The following SPAG16 variants were observed in gnomAD, a reference collection of about 807,000 sequenced individuals.
The protein encoded by SPAG16 is sperm-associated antigen 16 protein.
In SPAG16, 86 loss-of-function variants were observed where a neutral mutation model predicts 80.4. The ratio of observed to expected loss-of-function variants is 1.07; its 90% CI spans 0.90 to 1.28. SPAG16 has a LOEUF of 1.28. Among genes scored for constraint, SPAG16 ranks in the 50% most tolerant of loss-of-function variants. SPAG16 has a pLI of 0.00. For synonymous variants in SPAG16, 294 were observed against 265.9 expected (o/e 1.11, Z -1.03); for missense variants, 870 against 765.3 (o/e 1.14, Z -1.61).
intron 10 of SPAG16, among the ~76,000 whole-genome samples, chr2:213,593,932 G>A (rs2060799101): frequency 1.3e-5 from 2 of 150,740 alleles, no homozygotes; most frequent in African/African-American, 4.9e-5. Flanking sequence ...CCACCACCAC[G>A]CCCGGCTAAT....
intron 10 of SPAG16, among the ~76,000 whole-genome samples, chr2:213,569,976 G>A (rs1296922161): frequency 4.3e-5 from 4 of 92,642 alleles, no homozygotes; most frequent in African/African-American, 2.3e-4. Flanking sequence ...GAGTGTATGT[G>A]TCGAGGAATG....
At chr2:213,804,551 C>T (rs545535814) in intron 10 of SPAG16, among the ~76,000 whole-genome samples, 12 of 152,252 alleles carry the variant, frequency 7.9e-5, no homozygotes, top group African/African-American at 2.6e-4. Context: ...GGCGTGGTGG[C>T]AGGCGCCTGT....
chr2:214,175,710 T>C (rs2057057623), intron 15 of SPAG16, among the ~76,000 whole-genome samples: 1 of 151,562 alleles, frequency 6.6e-6, no homozygotes, highest in African/African-American at 2.4e-5. Context: ...CTACTTTTAG[T>C]TTAATACATT....
intron 10 of SPAG16, among the ~76,000 whole-genome samples, chr2:213,761,354 A>G (rs890225928): frequency 4.6e-5 from 7 of 152,178 alleles, no homozygotes; most frequent in Non-Finnish European, 7.3e-5. Flanking sequence ...TGGAACTAGA[A>G]AAATAACAAA....
intron 11 of SPAG16, among the ~76,000 whole-genome samples, chr2:213,897,901 G>T (rs757448663): frequency 3.3e-5 from 5 of 152,066 alleles, no homozygotes; most frequent in Non-Finnish European, 7.4e-5. Flanking sequence ...CTATAAAAAG[G>T]ATTTCCTATC....
In SPAG16 at chr2:213,918,513, G is replaced by A. The variant is rs145040046; in HGVS notation, c.1215-11447G>A. On this transcript the variant is annotated intron_variant, in intron 11 of 15. Coordinates refer to ENST00000331683, the MANE Select transcript of SPAG16 (RefSeq NM_024532.5). ...GTGTTGTGGGAGGGACCTGGTGGGA[G>A]GTAATTGAATTAAGGCAGGACTTGC... 5.7e-3 allele frequency among the ~76,000 whole-genome samples: 871 copies of A among 152,230 alleles called. 9 individuals are homozygous for A. Among genetic ancestry groups the A allele is most frequent in the African/African-American group, 0.02 (832 of 41,528 alleles).
chr2:214,268,777 AT>A (rs780802113), intron 15 of SPAG16, among the ~76,000 whole-genome samples: 32 of 151,578 alleles, frequency 2.1e-4, no homozygotes, highest in Non-Finnish European at 2.7e-4. Context: ...GTATGTATGT[AT>A]TTATTTGTGT....
intron 15 of SPAG16, among the ~76,000 whole-genome samples, chr2:214,353,274 T>A (rs1385148836): frequency 6.6e-6 from 1 of 151,784 alleles, no homozygotes; most frequent in Non-Finnish European, 1.5e-5. Context: ...TACTACTAAA[T>A]ATATATAAAA....
At chr2:213,392,241 A>G (rs1252682926) in intron 9 of SPAG16, among the ~76,000 whole-genome samples, 1 of 152,168 alleles carries the variant, frequency 6.6e-6, no homozygotes, top group East Asian at 1.9e-4. Flanking sequence ...TTAAGTGCTG[A>G]TACTTTGCAT....
chr2:213,774,538 A>G (rs978536739), intron 10 of SPAG16, among the ~76,000 whole-genome samples: 4 of 152,166 alleles, frequency 2.6e-5, no homozygotes, highest in Admixed American at 6.5e-5. Context: ...TTTATATGCA[A>G]TGGTGTTATT....
intron 10 of SPAG16, among the ~76,000 whole-genome samples, chr2:213,769,335 A>C (rs1259570058): frequency 6.6e-6 from 1 of 152,196 alleles, no homozygotes; most frequent in Non-Finnish European, 1.5e-5. Context: ...TGAAGGTAGT[A>C]CATCCTTAGT....
intron 13 of SPAG16, among the ~76,000 whole-genome samples, chr2:214,043,601 A>T (rs965491942): frequency 2.0e-5 from 3 of 152,180 alleles, no homozygotes; most frequent in African/African-American, 7.2e-5. Flanking sequence ...GAAAAAACTC[A>T]GTCATATATT....
intron 10 of SPAG16, among the ~76,000 whole-genome samples, chr2:213,632,076 T>C (rs570859715): frequency 6.6e-6 from 1 of 152,274 alleles, no homozygotes; most frequent in South Asian, 2.1e-4. Context: ...TTTACTAGAA[T>C]TGACATTTTA....
Position 214,208,987 on chromosome 2 carries a change from C to T in SPAG16, c.1720+59721C>T, listed in dbSNP as rs532955732. Among the ~76,000 whole-genome samples, 3 of 152,164 alleles carry T rather than the reference C, an allele frequency of 2.0e-5. No individual in the cohort carries two copies. The East Asian group carries it at 5.8e-4, about 29-fold the overall frequency. ...GGGATGAAGTTTTCTATTTCTTGAA[C>T]CCAATTGCTCTGTTTTTTGTTATTA... is the stretch of plus-strand genomic sequence containing the variant. On this transcript the variant is annotated intron_variant, in intron 15 of 15. Transcript: ENST00000331683.
chr2:213,670,311 C>A (rs1422144552), intron 10 of SPAG16, among the ~76,000 whole-genome samples: 3 of 152,056 alleles, frequency 2.0e-5, no homozygotes, highest in Non-Finnish European at 4.4e-5. Context: ...TGTTCTAATT[C>A]TTAAAATTGA....
intron 5 of SPAG16, 88 bp downstream of exon 5, chr2:213,317,444 A>G: frequency 1.4e-6 from 2 of 1,392,680 alleles, no homozygotes; most frequent in Middle Eastern, 5.2e-4. Flanking sequence ...AATATACCAG[A>G]GCCTTAATTT....
intron 15 of SPAG16, among the ~76,000 whole-genome samples, chr2:214,167,517 G>A (rs2056704137): frequency 6.6e-6 from 1 of 152,028 alleles, no homozygotes. Flanking sequence ...TTTCCTGGGG[G>A]TGGTTCCAAA....
At chr2:213,997,197 A>G (rs149375408) in intron 12 of SPAG16, among the ~76,000 whole-genome samples, 40 of 152,138 alleles carry the variant, frequency 2.6e-4, no homozygotes, top group Non-Finnish European at 5.1e-4. Flanking sequence ...CTCATCTTTC[A>G]CCTTTGCTTA....
At chr2:214,166,530 C>T (rs547014458) in intron 15 of SPAG16, among the ~76,000 whole-genome samples, 114 of 152,314 alleles carry the variant, frequency 7.5e-4, no homozygotes, top group Non-Finnish European at 1.4e-3. Context: ...GCCATTTTCT[C>T]TCCTCAAGCC....
Sources: allele counts gnomAD v4.1 joint callset (sites outside exome capture counted in the v4.1 genomes callset), GRCh38; gene constraint gnomAD v4.1.1; transcripts MANE v1.5; gene names NCBI Gene and HGNC (gene_info 2026-07-23, HGNC 2026-07-21).